The following PRR16 variants were observed in gnomAD, a reference collection of about 807,000 sequenced individuals.
The protein encoded by PRR16 is protein Largen.
PRR16 carries 6 observed loss-of-function variants against 18.2 expected under a neutral mutation model. The observed-to-expected ratio is 0.33, with a 90% CI of 0.18 to 0.65. PRR16 has a LOEUF of 0.65. Among genes scored for constraint, PRR16 ranks in the 30% least tolerant of loss-of-function variants. The pLI, the probability that PRR16 is intolerant of heterozygous loss-of-function variation, is 0.74. For synonymous variants in PRR16, 151 were observed against 147.8 expected (o/e 1.02, Z -0.16); for missense variants, 412 against 376.6 (o/e 1.09, Z -0.78).
At chr5:120,679,161 A>T (rs1756898477) in intron 1 of PRR16, among the ~76,000 whole-genome samples, 1 of 151,868 alleles carries the variant, frequency 6.6e-6, no homozygotes, top group Non-Finnish European at 1.5e-5. Flanking sequence ...TTGTTTTAAA[A>T]CTCTCTTTGT....
At chr5:120,498,552 A>T (rs1186706310) in intron 1 of PRR16, among the ~76,000 whole-genome samples, 1 of 151,730 alleles carries the variant, frequency 6.6e-6, no homozygotes, top group African/African-American at 2.4e-5. Flanking sequence ...TCAACCATTA[A>T]ACATAAGAGA....
chr5:120,520,258 G>T (rs530515706), intron 1 of PRR16, among the ~76,000 whole-genome samples: 1 of 152,216 alleles, frequency 6.6e-6, no homozygotes, highest in Non-Finnish European at 1.5e-5. Flanking sequence ...AGCCAGGCAT[G>T]GTGGCAGGCG....
chr5:120,671,855 A>G (rs1270226269), intron 1 of PRR16, among the ~76,000 whole-genome samples: 1 of 152,222 alleles, frequency 6.6e-6, no homozygotes, highest in African/African-American at 2.4e-5. Flanking sequence ...AATCTCATGA[A>G]CATAACTTAT....
intron 1 of PRR16, among the ~76,000 whole-genome samples, chr5:120,586,754 C>T (rs974349978): frequency 3.3e-5 from 5 of 152,068 alleles, no homozygotes; most frequent in Non-Finnish European, 7.4e-5. Context: ...CCCTAAGACA[C>T]AATAATATTG....
intron 1 of PRR16, among the ~76,000 whole-genome samples, chr5:120,502,053 C>T (rs919848514): frequency 2.0e-5 from 3 of 147,416 alleles, no homozygotes; most frequent in Non-Finnish European, 3.0e-5. Context: ...AAATGAAGTA[C>T]GTTAATAAAA....
chr5:120,590,994 T>C (rs1753615790), intron 1 of PRR16, among the ~76,000 whole-genome samples: 1 of 152,060 alleles, frequency 6.6e-6, no homozygotes, highest in Non-Finnish European at 1.5e-5. Flanking sequence ...ATAATTGTAC[T>C]GTAGGCTGGG....
Position 120,582,269 on chromosome 5 carries a change from T to C in PRR16, c.160-103685T>C, listed in dbSNP as rs113487217. On this transcript the variant is annotated intron_variant, in intron 1 of 1. Transcript: ENST00000407149. Reference sequence around the variant, plus strand: ...GCTAAAGAATGGGTAGACATGGATATAAAGTTGGAAATATAGAAAGTGGAA... The same window carrying C: ...GCTAAAGAATGGGTAGACATGGATACAAAGTTGGAAATATAGAAAGTGGAA... Among the ~76,000 whole-genome samples, 1,295 of 152,098 alleles carry C rather than the reference T, an allele frequency of 8.5e-3. 25 individuals carry two copies. The highest frequency in any genetic ancestry group is 0.029 in the African/African-American group (1,204 of 41,480).
At chr5:120,490,543 A>G (rs1749992363) in intron 1 of PRR16, among the ~76,000 whole-genome samples, 1 of 152,020 alleles carries the variant, frequency 6.6e-6, no homozygotes, top group African/African-American at 2.4e-5. Flanking sequence ...TATTCTAGTT[A>G]GCCATTCGTC....
chr5:120,705,635 C>T, the PRR16 span, among the ~76,000 whole-genome samples: 1 of 151,980 alleles, frequency 6.6e-6, no homozygotes, highest in African/African-American at 2.4e-5. Context: ...TTAGCTAAGA[C>T]AATAAAAGTC....
chr5:120,627,132 A>G (rs75161758), intron 1 of PRR16, among the ~76,000 whole-genome samples: 114 of 152,232 alleles, frequency 7.5e-4, no homozygotes, highest in African/African-American at 2.5e-3. Flanking sequence ...GTACTTTGTG[A>G]TATATGCAGG....
chr5:120,495,347 G>C (rs554447251), intron 1 of PRR16, among the ~76,000 whole-genome samples: 1 of 151,976 alleles, frequency 6.6e-6, no homozygotes, highest in African/African-American at 2.4e-5. Flanking sequence ...GGTATCCATG[G>C]AGCATTGGTT....
At chr5:120,653,633 G>T (rs1011743333) in intron 1 of PRR16, among the ~76,000 whole-genome samples, 4 of 151,932 alleles carry the variant, frequency 2.6e-5, no homozygotes, top group Non-Finnish European at 1.5e-5. Context: ...TTAGGCCTAG[G>T]TTTATGGTGA....
At chr5:120,581,722 T>G (rs1201388556) in intron 1 of PRR16, among the ~76,000 whole-genome samples, 4 of 152,148 alleles carry the variant, frequency 2.6e-5, no homozygotes, top group Non-Finnish European at 5.9e-5. Context: ...TGTTGTCTCT[T>G]TGTTCTCCTT....
At position 120,530,274 on chromosome 5, in the gene PRR16, TA is replaced by T. The variant is rs1561533103; in HGVS notation, c.159+65630del. Among the ~76,000 whole-genome samples the T allele has an allele frequency of 6.5e-3, 819 of 125,480 alleles. 13 individuals are homozygous for T. The highest frequency in any genetic ancestry group is 0.026 in the African/African-American group (769 of 29,336). The allele number at this position is 125,480 out of a possible 152,430, so 82.3% of individuals were successfully genotyped here. A position where few individuals can be genotyped will look rare whatever the true frequency, so the allele number is the denominator to read the frequency against. On this transcript the variant is annotated intron_variant, in intron 1 of 1. Coordinates refer to ENST00000407149, the MANE Select transcript of PRR16 (RefSeq NM_001300783.2). Reference sequence around the variant, plus strand: ...GTGTAAATATATATATATATATATATATATATATATTTATTTATTTATTTAT... The same window carrying T: ...GTGTAAATATATATATATATATATATTATATATATTTATTTATTTATTTAT...
At chr5:120,660,227 A>G (rs1023523463) in intron 1 of PRR16, among the ~76,000 whole-genome samples, 4 of 152,212 alleles carry the variant, frequency 2.6e-5, no homozygotes, top group African/African-American at 9.6e-5. Context: ...TTATTACATA[A>G]TTTCAAATTG....
the PRR16 span, among the ~76,000 whole-genome samples, chr5:120,747,584 A>G: frequency 6.6e-6 from 1 of 152,138 alleles, no homozygotes; most frequent in Non-Finnish European, 1.5e-5. Flanking sequence ...TTAACTAAGA[A>G]AGCTACCCTT....
At chr5:120,515,251 A>T (rs373926741) in intron 1 of PRR16, among the ~76,000 whole-genome samples, 140 of 152,254 alleles carry the variant, frequency 9.2e-4, no homozygotes, top group African/African-American at 3.0e-3. Flanking sequence ...CCCCCATGAT[A>T]ATCACATTAA....
chr5:120,669,077 C>G (rs926879642), intron 1 of PRR16, among the ~76,000 whole-genome samples: 3 of 152,056 alleles, frequency 2.0e-5, no homozygotes, highest in Admixed American at 6.6e-5. Context: ...AAGAGGATAA[C>G]TCTGTGGTGA....
At chr5:120,680,775 T>A (rs1377854390) in intron 1 of PRR16, among the ~76,000 whole-genome samples, 3 of 152,202 alleles carry the variant, frequency 2.0e-5, no homozygotes, top group African/African-American at 7.2e-5. Context: ...CAAGTTTGCA[T>A]GACCTCAATT....
Sources: gnomAD v4.1 joint callset for allele counts (sites outside exome capture counted in the v4.1 genomes callset) on GRCh38, gnomAD v4.1.1 for gene constraint, MANE v1.5 for transcripts, NCBI Gene and HGNC (gene_info 2026-07-23, HGNC 2026-07-21) for gene names.